The following SLC68A1 variants were observed in gnomAD, a reference collection of about 807,000 sequenced individuals.
The protein encoded by SLC68A1 is solute carrier family 68 member 1.
the SLC68A1 span, among the ~76,000 whole-genome samples, chr10:102,463,122 G>C: frequency 6.6e-6 from 1 of 151,680 alleles, no homozygotes; most frequent in Non-Finnish European, 1.5e-5. Flanking sequence ...GAGGGAGCCT[G>C]GTGGAGGCAA....
chr10:102,463,404 C>T, the SLC68A1 span, among the ~76,000 whole-genome samples: 1 of 152,070 alleles, frequency 6.6e-6, no homozygotes, highest in Non-Finnish European at 1.5e-5. Context: ...ATCTCCTGAC[C>T]TCGTGATTCG....
the SLC68A1 span, chr10:102,469,829 G>A: frequency 4.1e-6 from 4 of 985,376 alleles, no homozygotes; most frequent in Non-Finnish European, 4.8e-6. Context: ...TGAGCCACCA[G>A]CGCCTGGCCA....
chr10:102,473,725 T>C, the SLC68A1 span: 2 of 1,613,564 alleles, frequency 1.2e-6, no homozygotes, highest in Non-Finnish European at 1.7e-6. Flanking sequence ...CAGCCTGCTG[T>C]GCCTCTTCAT....
At chr10:102,465,649 A>G in the SLC68A1 span, among the ~76,000 whole-genome samples, 1 of 151,912 alleles carries the variant, frequency 6.6e-6, no homozygotes, top group Admixed American at 6.6e-5. Context: ...AGGTGGGTGG[A>G]GTTGGTTGCA....
chr10:102,468,666 CA>C, the SLC68A1 span: 3,266 of 161,014 alleles, frequency 0.02, no homozygotes, highest in South Asian at 0.072. Flanking sequence ...GACTCTGTCT[CA>C]AAAAAAAAAA....
the SLC68A1 span, chr10:102,469,063 G>C: frequency 6.2e-7 from 1 of 1,613,812 alleles, no homozygotes; most frequent in African/African-American, 1.3e-5. Flanking sequence ...CTGGTTGCTG[G>C]GTCTGCCCAC....
the SLC68A1 span, chr10:102,474,125 C>A: frequency 8.7e-7 from 1 of 1,150,436 alleles, no homozygotes; most frequent in Non-Finnish European, 1.2e-6. Context: ...TGGCAACTGG[C>A]GTCCCCTCAA....
the SLC68A1 span, chr10:102,471,306 G>A: frequency 6.2e-7 from 1 of 1,614,016 alleles, no homozygotes. Context: ...TAGGCAGTGA[G>A]GAGGCGGACA....
At chr10:102,471,550 A>G in the SLC68A1 span, among the ~76,000 whole-genome samples, 1 of 152,150 alleles carries the variant, frequency 6.6e-6, no homozygotes, top group Non-Finnish European at 1.5e-5. Flanking sequence ...ACTTGAGGAC[A>G]GGGGTTCGAG....
At chr10:102,471,496 A>C in the SLC68A1 span, 63 of 1,512,784 alleles carry the variant, frequency 4.2e-5, no homozygotes, top group Admixed American at 2.5e-4. Flanking sequence ...ATGGTGGCTC[A>C]TGCCTGTAGT....
chr10:102,472,962 C>G, the SLC68A1 span: 1 of 1,596,048 alleles, frequency 6.3e-7, no homozygotes, highest in Non-Finnish European at 8.6e-7. Context: ...TGAGTGTGGA[C>G]CTTGGGTGCT....
At chr10:102,469,018 G>A in the SLC68A1 span, 1 of 1,608,702 alleles carries the variant, frequency 6.2e-7, no homozygotes, top group Non-Finnish European at 8.5e-7. Context: ...GGCTAAGGCT[G>A]GGGCTGCAGC....
the SLC68A1 span, chr10:102,473,536 C>T: frequency 5.7e-6 from 9 of 1,565,910 alleles, no homozygotes; most frequent in South Asian, 2.4e-5. Flanking sequence ...GCAGCAGTGC[C>T]CTTGACAAGG....
chr10:102,469,263 C>T, the SLC68A1 span: 2 of 1,533,754 alleles, frequency 1.3e-6, no homozygotes, highest in South Asian at 2.3e-5. Context: ...GCTGCCCAGG[C>T]TGCTGGGCAG....
At chr10:102,473,815 G>A in the SLC68A1 span, 1 of 1,609,002 alleles carries the variant, frequency 6.2e-7, no homozygotes, top group Non-Finnish European at 8.5e-7. Flanking sequence ...TCCCTCTACT[G>A]CAGCAACCGC....
chr10:102,467,842 G>C, the SLC68A1 span, among the ~76,000 whole-genome samples: 1 of 152,128 alleles, frequency 6.6e-6, no homozygotes, highest in South Asian at 2.1e-4. Flanking sequence ...ATTTTTAGTA[G>C]AGACGGGGTT....
chr10:102,476,080 T>TTG, the SLC68A1 span: 1 of 1,288,476 alleles, frequency 7.8e-7, no homozygotes, highest in Non-Finnish European at 9.9e-7. Flanking sequence ...TCATAGTTTT[T>TTG]TTTTTTTTTT....
chr10:102,465,388 G>T, the SLC68A1 span, among the ~76,000 whole-genome samples: 1 of 152,136 alleles, frequency 6.6e-6, no homozygotes, highest in Non-Finnish European at 1.5e-5. Context: ...TTGAGCCACT[G>T]CACTCCAGCC....
the SLC68A1 span, chr10:102,470,544 A>G: frequency 2.7e-6 from 4 of 1,472,928 alleles, no homozygotes; most frequent in Non-Finnish European, 3.6e-6. Flanking sequence ...GGACAGTGGC[A>G]CCACCCTGTT....
Sources: gnomAD v4.1 joint callset for allele counts (sites outside exome capture counted in the v4.1 genomes callset) on GRCh38, gnomAD v4.1.1 for gene constraint, MANE v1.5 for transcripts, NCBI Gene and HGNC (gene_info 2026-07-23, HGNC 2026-07-21) for gene names.